The following NAALADL2 variants were observed in gnomAD, a reference collection of about 807,000 sequenced individuals.
The protein encoded by NAALADL2 is N-acetylated alpha-linked acidic dipeptidase like 2.
In NAALADL2, 76 loss-of-function variants were observed where a neutral mutation model predicts 87.2. The ratio of observed to expected loss-of-function variants is 0.87; its 90% confidence interval spans 0.72 to 1.05. The LOEUF is 1.05. Among genes scored for constraint, NAALADL2 ranks in the 50% least tolerant of loss-of-function variants. The pLI is 0.00. For synonymous variants in NAALADL2, 354 were observed against 331.0 expected (o/e 1.07, Z -0.75); for missense variants, 1,089 against 945.8 (o/e 1.15, Z -1.99).
intron 11 of NAALADL2, among the ~76,000 whole-genome samples, chr3:175,631,549 A>T (rs979953052): frequency 6.6e-6 from 1 of 151,490 alleles, no homozygotes; most frequent in Non-Finnish European, 1.5e-5. Context: ...CTCAGTATTG[A>T]TGCCAATAGG....
chr3:174,653,854 G>T lies in NAALADL2; in HGVS notation c.-114-83787G>T, dbSNP rs185325403. 1.4e-4 allele frequency among the ~76,000 whole-genome samples: 21 copies of T among 152,186 alleles called. 1 individual carries two copies. Among genetic ancestry groups the T allele is most frequent in the African/African-American group, 4.8e-4 (20 of 41,530 alleles). The stretch of plus-strand genomic sequence containing the variant: ...TATAATTTTAAGGCCTACGCATAAG[G>T]TCATGTTATTCTTCTTTCCAAGTTT... On this transcript the variant is annotated intron_variant, in intron 2 of 3. Coordinates refer to the NAALADL2 transcript ENST00000434257.
chr3:175,479,607 A>G (rs1363216144), intron 9 of NAALADL2, among the ~76,000 whole-genome samples: 3 of 151,750 alleles, frequency 2.0e-5, no homozygotes, highest in Non-Finnish European at 3.0e-5. Flanking sequence ...CACAATTTGC[A>G]TTTTTCAGTG....
At chr3:175,002,839 A>G (rs981931494) in intron 1 of NAALADL2, among the ~76,000 whole-genome samples, 2 of 152,170 alleles carry the variant, frequency 1.3e-5, no homozygotes, top group African/African-American at 4.8e-5. Context: ...TACAGGAATT[A>G]AGGATGCCAA....
chr3:175,691,307 A>T (rs140411282), intron 11 of NAALADL2, among the ~76,000 whole-genome samples: 1 of 151,090 alleles, frequency 6.6e-6, no homozygotes. Context: ...ATAAAAGGAC[A>T]TTTCTTATTA....
At chr3:174,602,510 T>C (rs1444258449) in intron 2 of NAALADL2, among the ~76,000 whole-genome samples, 1 of 152,060 alleles carries the variant, frequency 6.6e-6, no homozygotes, top group African/African-American at 2.4e-5. Context: ...ATAGTTTTCT[T>C]GTGGAGTCTG....
At position 174,713,438 on chromosome 3, in the gene NAALADL2, T is replaced by A. The variant is rs554170569; in HGVS notation, c.-114-24203T>A. Among the ~76,000 whole-genome samples the A allele has an allele frequency of 6.8e-3, 1,028 of 152,272 alleles. 7 individuals carry two copies. Among genetic ancestry groups the A allele is most frequent in the African/African-American group, 0.022 (932 of 41,554 alleles). The stretch of plus-strand genomic sequence containing the variant: ...CCCACCAACAGTGTAAAAGTGTTCC[T>A]ATTTCTCCACATCCTCTCCAGCACC... On this transcript the variant is annotated intron_variant, in intron 2 of 3. Coordinates refer to the NAALADL2 transcript ENST00000434257.
intron 9 of NAALADL2, among the ~76,000 whole-genome samples, chr3:175,574,458 G>T (rs778948221): frequency 6.6e-6 from 1 of 152,086 alleles, no homozygotes; most frequent in African/African-American, 2.4e-5. Flanking sequence ...AGAACTCTCT[G>T]TCAAACTTTT....
intron 3 of NAALADL2, among the ~76,000 whole-genome samples, chr3:175,246,338 G>A (rs950541675): frequency 1.3e-5 from 2 of 152,120 alleles, no homozygotes; most frequent in Non-Finnish European, 2.9e-5. Context: ...TATCAGAAAT[G>A]CTTGGGTTTA....
chr3:174,719,503 G>T (rs1431262487), intron 2 of NAALADL2, among the ~76,000 whole-genome samples: 1 of 152,140 alleles, frequency 6.6e-6, no homozygotes, highest in Non-Finnish European at 1.5e-5. Context: ...TGTAAATGAA[G>T]GACTTAGCAA....
intron 5 of NAALADL2, among the ~76,000 whole-genome samples, chr3:175,367,325 A>T (rs1297487262): frequency 6.6e-6 from 1 of 150,692 alleles, no homozygotes; most frequent in Non-Finnish European, 1.5e-5. Context: ...TTGGCTTAGG[A>T]TTGACTTGGC....
At chr3:175,198,264 T>C (rs907949770) in intron 2 of NAALADL2, among the ~76,000 whole-genome samples, 2 of 152,066 alleles carry the variant, frequency 1.3e-5, no homozygotes, top group African/African-American at 2.4e-5. Flanking sequence ...TAGTACCTTT[T>C]CTAGTTATAG....
intron 1 of NAALADL2, among the ~76,000 whole-genome samples, chr3:175,014,699 T>C (rs1178410542): frequency 6.6e-6 from 1 of 152,158 alleles, no homozygotes; most frequent in Non-Finnish European, 1.5e-5. Context: ...TGTTTCAAAG[T>C]TACTTGTATT....
intron 2 of NAALADL2, among the ~76,000 whole-genome samples, chr3:175,221,220 T>G (rs1279687332): frequency 1.3e-5 from 2 of 149,272 alleles, no homozygotes; most frequent in Middle Eastern, 3.4e-3. Flanking sequence ...AAAAAAAGAT[T>G]TTTTAGTATT....
intron 2 of NAALADL2, among the ~76,000 whole-genome samples, chr3:174,562,297 T>C (rs1713717593): frequency 6.6e-6 from 1 of 152,288 alleles, no homozygotes; most frequent in Non-Finnish European, 1.5e-5. Context: ...TGCTTTGAGA[T>C]TGTGAAAGAA....
chr3:175,274,679 T>C (rs982386601), intron 4 of NAALADL2, among the ~76,000 whole-genome samples: 1 of 152,136 alleles, frequency 6.6e-6, no homozygotes, highest in Non-Finnish European at 1.5e-5. Flanking sequence ...AGAAAATTAC[T>C]TCACCTACAA....
At chr3:175,423,373 G>A (rs949083547) in intron 5 of NAALADL2, among the ~76,000 whole-genome samples, 24 of 150,658 alleles carry the variant, frequency 1.6e-4, no homozygotes, top group African/African-American at 4.4e-4. Context: ...CCATTAACTC[G>A]TCATTTAACA....
chr3:175,665,652 G>T (rs944675058), intron 11 of NAALADL2, among the ~76,000 whole-genome samples: 3 of 152,114 alleles, frequency 2.0e-5, no homozygotes, highest in African/African-American at 7.2e-5. Context: ...AATGTTTTAG[G>T]CTGGGCGCGA....
chr3:175,650,871 C>T lies in NAALADL2; in HGVS notation c.1896+23485C>T, dbSNP rs1582774026. ...TTATAACATGGTATAACCCAAACCG[C>T]CTCACCATTCTTTGCACTCAGCAAA... is the stretch of plus-strand genomic sequence containing the variant. On this transcript the variant is annotated intron_variant, in intron 11 of 13. Coordinates refer to ENST00000454872, the MANE Select transcript of NAALADL2 (RefSeq NM_207015.3). Among the ~76,000 whole-genome samples the T allele has an allele frequency of 3.3e-5, 5 of 152,302 alleles. No individual in the cohort carries two copies. In the South Asian group the frequency reaches 1.0e-3, roughly 32 times the overall value.
chr3:174,598,348 T>G (rs1013906359), intron 2 of NAALADL2, among the ~76,000 whole-genome samples: 1 of 152,154 alleles, frequency 6.6e-6, no homozygotes, highest in Non-Finnish European at 1.5e-5. Flanking sequence ...TTTTAATTAC[T>G]TAGAGCCTTT....
Sources: gnomAD v4.1 joint callset for allele counts (sites outside exome capture counted in the v4.1 genomes callset) on GRCh38, gnomAD v4.1.1 for gene constraint, MANE v1.5 for transcripts, NCBI Gene and HGNC (gene_info 2026-07-23, HGNC 2026-07-21) for gene names.